The following CEP170B variants were observed in gnomAD, a reference collection of about 807,000 sequenced individuals.
CEP170B encodes the protein centrosomal protein 170B.
CEP170B carries 55 observed loss-of-function variants against 120.6 expected under a neutral mutation model. The ratio of observed to expected loss-of-function variants is 0.46; its 90% CI spans 0.37 to 0.57. The LOEUF is 0.57. Ranked by LOEUF, CEP170B falls within the 20% of genes least tolerant of loss-of-function variation. CEP170B has a pLI of 0.00. For missense variants in CEP170B, 2,212 were observed against 2,253.3 expected (o/e 0.98, Z 0.37); for synonymous variants, 1,033 against 954.5 (o/e 1.08, Z -1.52).
rs764200017 is a variant in CEP170B, at chr14:104,894,340, G to A, written c.4327G>A (p.Ala1443Thr). 21 of 1,613,482 alleles carry A rather than the reference G, an allele frequency of 1.3e-5. No individual in the cohort carries two copies. Among genetic ancestry groups the A allele is most frequent in the African/African-American group, 2.7e-5 (2 of 74,904 alleles). Residue 1443 changes from alanine (A) to threonine (T), a missense_variant, in exon 17 of 19, where the codon GCC becomes ACC. Coordinates refer to ENST00000414716, the MANE Select transcript of CEP170B (RefSeq NM_001112726.3). ...AWEDLEARINAENEVPILKTS... is the reference protein window; with the variant it reads ...AWEDLEARINTENEVPILKTS... The stretch of plus-strand genomic sequence containing the variant: ...GGAGGACCTGGAAGCCAGGATCAAC[G>A]CCGAGAACGAGGTGCCCATCCTGAA...
At chr14:104,889,937 GATGGATGGATGGATGA>G (rs1324953228) in intron 13 of CEP170B, among the ~76,000 whole-genome samples, 179 bp downstream of exon 13, 9 of 78,250 alleles carry the variant, frequency 1.2e-4, no homozygotes, top group African/African-American at 4.2e-4. Context: ...TGGATGGATG[GATGGATGGATGGATGA>G]ATGGATGGAT....
intron 6 of CEP170B, among the ~76,000 whole-genome samples, chr14:104,882,014 A>G (rs568393190): frequency 1.3e-5 from 2 of 152,208 alleles, no homozygotes; most frequent in African/African-American, 4.8e-5. Context: ...AAGGATGGAA[A>G]GAGCTTGGGT....
Position 104,886,669 on chromosome 14 carries a change from G to A in CEP170B, c.2430G>A (p.Arg810=), listed in dbSNP as rs370522535. Residue 810 remains arginine (R), a synonymous_variant, in exon 12 of 19, where the codon AGG becomes AGA. Coordinates refer to ENST00000414716, the MANE Select transcript of CEP170B (RefSeq NM_001112726.3). ...GDQNGDAVLS[R]KPLAAPGDGE... The stretch of plus-strand genomic sequence containing the variant: ...AGAATGGGGACGCTGTGTTATCTAG[G>A]AAACCGCTTGCGGCTCCAGGGGATG... 4.5e-6 allele frequency: 7 copies of A among 1,540,666 alleles called. No individual in the cohort carries two copies. Among genetic ancestry groups the A allele is most frequent in the Non-Finnish European group, 5.2e-6 (6 of 1,146,576 alleles).
chr14:104,873,346 G>A (rs1008910564), intron 2 of CEP170B, among the ~76,000 whole-genome samples: 4 of 151,962 alleles, frequency 2.6e-5, no homozygotes, highest in Non-Finnish European at 4.4e-5. Flanking sequence ...TTGGACTGAA[G>A]GTGAGACCCA....
At chr14:104,879,540 A>C (rs1896032778) in intron 5 of CEP170B, among the ~76,000 whole-genome samples, 1 of 152,126 alleles carries the variant, frequency 6.6e-6, no homozygotes, top group African/African-American at 2.4e-5. Flanking sequence ...AGTTCCTGTC[A>C]GTCTCTCCGA....
intron 13 of CEP170B, among the ~76,000 whole-genome samples, chr14:104,890,390 GTGGATGGATGGATGGA>G (rs1292538038): frequency 8.5e-6 from 1 of 118,104 alleles, no homozygotes; most frequent in Admixed American, 8.4e-5. Context: ...GGATGGATGA[GTGGATGGATGGATGGA>G]TGGATGGATG....
In CEP170B at chr14:104,883,270, C is replaced by G; in HGVS notation, c.813C>G (p.Ile271Met). The G allele has an allele frequency of 6.2e-7, 1 of 1,611,730 alleles. No individual in the cohort carries two copies. The highest frequency in any genetic ancestry group is 8.5e-7 in the Non-Finnish European group (1 of 1,179,646). ...TGCAGAGCCACGCCTCCTTCACCAT[C>G]GAGTTTGATGACTGCAGCCCTGGCA... ...PVVQSHASFT[I>M]EFDDCSPGKM... Residue 271 changes from isoleucine to methionine, a missense_variant, in exon 8 of 19, where the codon ATC becomes ATG. This residue lies in a region of CEP170B where 2,166 missense variants were observed against 2,166.7 expected (regional missense o/e 1.00). Coordinates refer to ENST00000414716, the MANE Select transcript of CEP170B (RefSeq NM_001112726.3).
chr14:104,891,334 A>AG lies in CEP170B; in HGVS notation c.3878+1583dup, dbSNP rs1364044783. On this transcript the variant is annotated intron_variant, in intron 13 of 18. Coordinates refer to ENST00000414716, the MANE Select transcript of CEP170B (RefSeq NM_001112726.3). The surrounding 1 kb of genome is among the most constrained non-coding windows in gnomAD (Gnocchi z 4.3). ...GTCCCTGAAAGGCTGTGGGGCAGGCAGGGGGGGTCCCAGGACCAGGGTGGA... is the reference window on the plus strand; with the variant it reads ...GTCCCTGAAAGGCTGTGGGGCAGGCAGGGGGGGGTCCCAGGACCAGGGTGGA... 1.2e-4 allele frequency among the ~76,000 whole-genome samples: 18 copies of AG among 151,860 alleles called. No homozygotes were observed. The highest frequency in any genetic ancestry group is 2.2e-4 in the African/African-American group (9 of 41,316).
rs1895293376 is a variant in CEP170B at position 104,868,319 on chromosome 14, G to T, written c.-27-105G>T. The stretch of plus-strand genomic sequence containing the variant: ...CTGGAGCCCAGCTTCTCCGGAAGCT[G>T]CCAGCTTCCCTTAGAGGGTCAGGAT... On this transcript the variant is annotated intron_variant, in intron 1 of 18. Coordinates refer to ENST00000414716, the MANE Select transcript of CEP170B (RefSeq NM_001112726.3). This position sits in a 1 kb window ranked among gnomAD's most constrained non-coding sequence, Gnocchi z 5.9. 1 of 789,094 alleles carries T rather than the reference G, an allele frequency of 1.3e-6. No homozygotes were observed. The highest frequency in any genetic ancestry group is 2.0e-6 in the Non-Finnish European group (1 of 507,828). 48.9% of individuals were successfully genotyped at this position (789,094 alleles called of 1,614,324 possible). A position where few individuals can be genotyped will look rare whatever the true frequency, so the allele number is the denominator to read the frequency against.
In CEP170B at chr14:104,896,360, G is replaced by A. The variant is rs1897074794; in HGVS notation, c.*1402G>A. ...GCGGGGGTGGCAGGTGTCCCCCCCT[G>A]GTCCCCGCCCCAAGAGCCTGCTGTC... On this transcript the variant is annotated 3_prime_UTR_variant, in exon 19 of 19. Coordinates refer to ENST00000414716, the MANE Select transcript of CEP170B (RefSeq NM_001112726.3). 2 of 339,278 alleles carry A rather than the reference G, an allele frequency of 5.9e-6. No homozygotes were observed. Among genetic ancestry groups the A allele is most frequent in the South Asian group, 2.2e-5 (1 of 45,244 alleles). 21.0% of individuals were successfully genotyped at this position (339,278 alleles called of 1,614,324 possible). A position where few individuals can be genotyped will look rare whatever the true frequency, so the allele number is the denominator to read the frequency against.
rs780509943 is a variant in CEP170B at position 104,894,270 on chromosome 14, C to G, written c.4272-15C>G. The G allele has an allele frequency of 4.9e-5, 79 of 1,600,752 alleles. No individual in the cohort carries two copies. The highest frequency in any genetic ancestry group is 4.7e-4 in the South Asian group (43 of 90,846). Reference sequence around the variant, plus strand: ...TCCTTGTCCCCCCATTTCTGCCTCCCCCTACCTCGGACAGGATCCTCTTTC... The same window carrying G: ...TCCTTGTCCCCCCATTTCTGCCTCCGCCTACCTCGGACAGGATCCTCTTTC... On this transcript the variant is annotated splice_polypyrimidine_tract_variant and intron_variant, in intron 16 of 18. Transcript: ENST00000414716.
At chr14:104,869,478 T>C (rs985993483) in intron 2 of CEP170B, among the ~76,000 whole-genome samples, 5 of 152,134 alleles carry the variant, frequency 3.3e-5, no homozygotes, top group African/African-American at 4.8e-5. Context: ...GTCCTGGCCA[T>C]GTGCACATTC....
intron 14 of CEP170B, 68 bp from the exon 15 acceptor site, chr14:104,893,455 G>A: frequency 1.3e-6 from 2 of 1,541,342 alleles, no homozygotes; most frequent in Admixed American, 1.9e-5. Flanking sequence ...GCCGGAGCAG[G>A]GAGGTGCAGC....
chr14:104,873,203 G>A (rs938381717), intron 2 of CEP170B, among the ~76,000 whole-genome samples: 2 of 151,966 alleles, frequency 1.3e-5, no homozygotes, highest in Non-Finnish European at 2.9e-5. Flanking sequence ...GCTCAGTCCT[G>A]GGAGTGGGCG....
Position 104,887,447 on chromosome 14 carries a change from G to T in CEP170B, c.3208G>T (p.Ala1070Ser), listed in dbSNP as rs1442088137. 1 of 1,611,462 alleles carries T rather than the reference G, an allele frequency of 6.2e-7. No individual in the cohort carries two copies. The highest frequency in any genetic ancestry group is 2.2e-5 in the East Asian group (1 of 44,860). The stretch of plus-strand genomic sequence containing the variant: ...GGCCTCCAACCACGAAACCCCTGAG[G>T]CCACCGGGGCAGGACGGCTAGGTTC... The part of the protein sequence containing the change: ...VMASNHETPE[A>S]TGAGRLGSRR... The change falls in exon 12 of 19, where the codon GCC (alanine) becomes TCC (serine). Residue 1070 changes from alanine (A) to serine (S), a missense_variant. Coordinates refer to ENST00000414716, the MANE Select transcript of CEP170B (RefSeq NM_001112726.3).
intron 9 of CEP170B, 61 bp from the exon 10 acceptor site, chr14:104,885,308 T>C (rs1469260935): frequency 6.8e-7 from 1 of 1,469,968 alleles, no homozygotes; most frequent in Non-Finnish European, 9.0e-7. Context: ...CCAGTGTCAG[T>C]GGAGGGTTGG....
chr14:104,874,755 G>A (rs745548888), intron 2 of CEP170B, among the ~76,000 whole-genome samples: 2 of 51,316 alleles, frequency 3.9e-5, no homozygotes, highest in Admixed American at 2.5e-4. Context: ...CCCCACCCCC[G>A]GTCCTCCTCT....
rs778147308 is a variant in CEP170B, at chr14:104,884,082, C to T, written c.1303C>T (p.Arg435Cys). 20 of 1,599,328 alleles carry T rather than the reference C, an allele frequency of 1.3e-5. No homozygotes were observed. Among genetic ancestry groups the T allele is most frequent in the Admixed American group, 3.4e-5 (2 of 58,236 alleles). ...GTCCGGGGACCCCAAGGCCGACAAG[C>T]GCCGTGGCCCAACGCCGGCCGATAG... The part of the protein sequence containing the change: ...SPSGDPKADK[R>C]RGPTPADRDR... Residue 435 changes from arginine (R) to cysteine (C), a missense_variant, in exon 9 of 19, where the codon CGC becomes TGC. By Grantham distance (180) the Arg-to-Cys change is radical. Around this residue, in one of 2 missense-constraint regions of CEP170B, gnomAD observed 2,166 missense variants for 2,166.7 expected, o/e 1.00. Transcript: ENST00000414716.
chr14:104,893,268 C>T (rs773180148), intron 14 of CEP170B, 133 bp downstream of exon 14: 28 of 1,187,888 alleles, frequency 2.4e-5, no homozygotes, highest in East Asian at 5.1e-5. Context: ...TGGAACATGT[C>T]CCCCTGGGTC....
Sources: gnomAD v4.1 joint callset for allele counts (sites outside exome capture counted in the v4.1 genomes callset) on GRCh38, gnomAD v4.1.1 for gene constraint, gnomAD v4.1.1 regional missense constraint, Gnocchi (gnomAD v3.1) non-coding constraint, MANE v1.5 for transcripts, NCBI Gene and HGNC (gene_info 2026-07-23, HGNC 2026-07-21) for gene names.